The following LIG1 variants were observed in gnomAD, a reference collection of about 807,000 sequenced individuals.
LIG1 encodes DNA ligase 1.
Under a neutral mutation model 115.7 loss-of-function variants are expected in LIG1, and 70 were observed. The ratio of observed to expected loss-of-function variants is 0.60; its 90% confidence interval spans 0.50 to 0.74. The LOEUF (loss-of-function observed/expected upper bound fraction) is 0.74, where lower values mean the gene tolerates loss of function less well. Among genes scored for constraint, LIG1 ranks in the 30% least tolerant of loss-of-function variants. LIG1 has a pLI of 0.00. For synonymous variants in LIG1, 487 were observed against 495.3 expected, an observed-to-expected ratio of 0.98 and a Z score of 0.22; for missense variants, 1,115 against 1,225.6, an observed-to-expected ratio of 0.91 and a Z score of 1.35.
intron 21 of LIG1, among the ~76,000 whole-genome samples, chr19:48,126,033 G>A (rs1166022122): frequency 6.6e-6 from 1 of 150,840 alleles, no homozygotes; most frequent in Non-Finnish European, 1.5e-5. Context: ...GATGATTGCA[G>A]CTAATTTTTT....
At chr19:48,157,905 C>T (rs1206474423) in intron 4 of LIG1, among the ~76,000 whole-genome samples, 1 of 152,170 alleles carries the variant, frequency 6.6e-6, no homozygotes, top group African/African-American at 2.4e-5. Flanking sequence ...ATTTGGTCTC[C>T]AATGTTGGAG....
chr19:48,131,014 T>C lies in LIG1; in HGVS notation c.1821+62A>G, dbSNP rs931058374. The C allele has an allele frequency of 2.2e-6, 3 of 1,372,432 alleles. No homozygotes were observed. The African/African-American group carries it at 4.3e-5, about 20-fold the overall frequency. 85.0% of individuals were successfully genotyped at this position (1,372,432 alleles called of 1,614,324 possible). ...TGTGCCACACTGGCCTAGATGGGCC[T>C]CAGGCCTTTGCACCCCTGACCACAG... On this transcript the variant is annotated intron_variant, in intron 19 of 27. Coordinates refer to ENST00000263274, the MANE Select transcript of LIG1 (RefSeq NM_000234.3).
rs1041487331 is a variant in LIG1, at chr19:48,140,085, G to C, written c.973C>G (p.Pro325Ala). 6.2e-7 allele frequency: 1 copy of C among 1,613,852 alleles called. No homozygotes were observed. Among genetic ancestry groups the C allele is most frequent in the African/African-American group, 1.3e-5 (1 of 74,934 alleles). The part of the protein sequence containing the change: ...LLRSVVALSP[P>A]DLLPVLYLSL... ...AGGTAGAGGACAGGGAGGAGGTCTG[G>C]AGGCGACAGGGCCACCACGGAGCGC... The change falls in exon 12 of 28, where the codon CCA becomes GCA. Residue 325 changes from proline to alanine, a missense_variant. Pro to Ala is a conservative substitution (Grantham distance 27, BLOSUM62 -1). Coordinates refer to ENST00000263274, the MANE Select transcript of LIG1 (RefSeq NM_000234.3).
At chr19:48,146,334 G>T (rs1381735615) in intron 9 of LIG1, among the ~76,000 whole-genome samples, 1 of 152,198 alleles carries the variant, frequency 6.6e-6, no homozygotes, top group African/African-American at 2.4e-5. Flanking sequence ...GAAATTAAAG[G>T]GGTTTGGAAT....
At chr19:48,117,567 T>C in intron 26 of LIG1, 71 bp downstream of exon 26, 1 of 1,531,226 alleles carries the variant, frequency 6.5e-7, no homozygotes, top group South Asian at 1.2e-5. Context: ...CAAGGTCCCC[T>C]CCCTACTCTG....
chr19:48,122,010 G>C lies in LIG1; in HGVS notation c.2233-688C>G, dbSNP rs73570060. ...GTGCCAGGCAGAAGCTCAGCCCTGG[G>C]GGCACAACAGTGCTATTTCCTGAGA... On this transcript the variant is annotated intron_variant, in intron 23 of 27. Transcript: ENST00000263274. This position sits in a 1 kb window ranked among gnomAD's most constrained non-coding sequence, Gnocchi z 4.3. Among the ~76,000 whole-genome samples the C allele has an allele frequency of 5.5e-3, 831 of 152,244 alleles. 8 individuals are homozygous for C. Among genetic ancestry groups the C allele is most frequent in the African/African-American group, 0.019 (776 of 41,542 alleles).
intron 19 of LIG1, among the ~76,000 whole-genome samples, chr19:48,128,673 T>C (rs2033828723): frequency 6.6e-6 from 1 of 152,252 alleles, no homozygotes. Context: ...CAAGCCTTCT[T>C]TTCCCTCAAG....
chr19:48,140,779 C>G (rs966915164), intron 11 of LIG1, among the ~76,000 whole-genome samples: 2 of 152,120 alleles, frequency 1.3e-5, no homozygotes, highest in African/African-American at 4.8e-5. Flanking sequence ...CTCCCTTCGA[C>G]CCCCTGTGAG....
intron 21 of LIG1, among the ~76,000 whole-genome samples, chr19:48,125,500 C>T (rs565408488): frequency 4.7e-5 from 7 of 147,776 alleles, no homozygotes; most frequent in South Asian, 4.3e-4. Context: ...ATGGGCCTAA[C>T]GGAGAAAAAA....
chr19:48,136,963 G>A (rs758731257), intron 14 of LIG1, 45 bp downstream of exon 14: 18 of 1,485,654 alleles, frequency 1.2e-5, no homozygotes, highest in East Asian at 6.9e-5. Context: ...TTTCACCTCC[G>A]AGCCTGCAGT....
chr19:48,139,904 C>A, intron 12 of LIG1, 67 bp downstream of exon 12: 2 of 1,562,436 alleles, frequency 1.3e-6, no homozygotes, highest in African/African-American at 1.3e-5. Flanking sequence ...TCCGATCCAC[C>A]TGACCTCTGC....
chr19:48,115,955 T>C lies in LIG1; in HGVS notation c.2594A>G (p.Asp865Gly). The C allele has an allele frequency of 1.2e-6, 2 of 1,613,586 alleles. No individual in the cohort carries two copies. The highest frequency in any genetic ancestry group is 1.7e-6 in the Non-Finnish European group (2 of 1,179,872). ...AGGGAAGCGAAGGGAGATGCCCTTGTCACTATCCACCTGCGGAAGCGGGAT... is the reference window on the plus strand; with the variant it reads ...AGGGAAGCGAAGGGAGATGCCCTTGCCACTATCCACCTGCGGAAGCGGGAT... ...YPAARGLVDS[D>G]KGISLRFPRF... The change falls in exon 27 of 28, where the codon GAC (aspartate) becomes GGC (glycine). Residue 865 changes from aspartate (D) to glycine (G), a missense_variant. Asp to Gly is a moderately conservative substitution (Grantham distance 94). Coordinates refer to ENST00000263274, the MANE Select transcript of LIG1 (RefSeq NM_000234.3).
Position 48,143,907 on chromosome 19 carries a change from T to C in LIG1, c.833A>G (p.Asp278Gly), listed in dbSNP as rs778901739. ...CTTCTGGCCCGGTTTCCAGCAGGCA[T>C]CTTCCACGGGATGATAGTTGTTCTT... ...PAKNNYHPVE[D>G]ACWKPGQKVP... The change falls in exon 10 of 28, where the codon GAT becomes GGT. Residue 278 changes from aspartate (D) to glycine (G), a missense_variant. Physicochemically the swap from Asp to Gly is moderately conservative, Grantham distance 94 (BLOSUM62 -1). Coordinates refer to ENST00000263274, the MANE Select transcript of LIG1 (RefSeq NM_000234.3). The C allele has an allele frequency of 3.7e-6, 6 of 1,614,054 alleles. No homozygotes were observed. Among genetic ancestry groups the C allele is most frequent in the South Asian group, 3.3e-5 (3 of 91,076 alleles).
intron 2 of LIG1, 53 bp from the exon 3 acceptor site, chr19:48,162,404 T>C: frequency 8.6e-7 from 1 of 1,167,092 alleles, no homozygotes; most frequent in Non-Finnish European, 1.3e-6. Context: ...ACCAATACCC[T>C]GCCTATCTAT....
At chr19:48,119,459 C>T (rs1331443028) in intron 24 of LIG1, among the ~76,000 whole-genome samples, 1 of 151,826 alleles carries the variant, frequency 6.6e-6, no homozygotes, top group African/African-American at 2.4e-5. Flanking sequence ...TCTCCCTGGC[C>T]CCAGGAAGTC....
chr19:48,169,799 C>CA (rs1468670161), intron 1 of LIG1: 3 of 150,760 alleles, frequency 2.0e-5, no homozygotes, highest in Non-Finnish European at 2.9e-5. Flanking sequence ...CGCCCACACG[C>CA]AATCTTTTCC....
intron 19 of LIG1, among the ~76,000 whole-genome samples, chr19:48,129,294 A>G (rs1040752563): frequency 6.6e-6 from 1 of 151,476 alleles, no homozygotes; most frequent in African/African-American, 2.4e-5. Flanking sequence ...CAAGTGATTC[A>G]CCCGCCTTGC....
At chr19:48,149,632 C>A in intron 9 of LIG1, 131 bp downstream of exon 9, 1 of 748,480 alleles carries the variant, frequency 1.3e-6, no homozygotes, top group Admixed American at 2.1e-5. Flanking sequence ...AATATTTACT[C>A]TCTGGCTCTT....
chr19:48,129,168 T>C (rs1001025934), intron 19 of LIG1, among the ~76,000 whole-genome samples: 2 of 152,140 alleles, frequency 1.3e-5, no homozygotes, highest in South Asian at 2.1e-4. Flanking sequence ...TTCTCCTGCC[T>C]CAGCCTCCCA....
Sources: gnomAD v4.1 joint callset for allele counts (sites outside exome capture counted in the v4.1 genomes callset) on GRCh38, gnomAD v4.1.1 for gene constraint, Gnocchi (gnomAD v3.1) non-coding constraint, MANE v1.5 for transcripts, NCBI Gene and HGNC (gene_info 2026-07-23, HGNC 2026-07-21) for gene names.